ASTN2: variants seen among roughly 807,000 people sequenced by gnomAD.
ASTN2 encodes astrotactin-2.
In ASTN2, 54 loss-of-function variants were observed where a neutral mutation model predicts 139.8. That is an observed-to-expected ratio of 0.39 (90% CI 0.31 to 0.48). ASTN2 has a LOEUF of 0.48. Ranked by LOEUF, ASTN2 falls within the 20% of genes least tolerant of loss-of-function variation. The probability of loss-of-function intolerance (pLI) is 0.95; values close to 1 mark genes in which losing one functional copy is unlikely to be tolerated. For synonymous variants in ASTN2, 756 were observed against 719.5 expected (o/e 1.05, Z -0.81); for missense variants, 1,565 against 1,725.1 (o/e 0.91, Z 1.64).
At chr9:116,505,238 G>A (rs1025481380) in intron 19 of ASTN2, among the ~76,000 whole-genome samples, 4 of 151,332 alleles carry the variant, frequency 2.6e-5, no homozygotes, top group Admixed American at 6.6e-5. Context: ...TCCTTTAATC[G>A]CTTTGAGGCT....
intron 2 of ASTN2, among the ~76,000 whole-genome samples, chr9:117,246,618 CG>C (rs1833390623): frequency 6.6e-6 from 1 of 152,186 alleles, no homozygotes; most frequent in South Asian, 2.1e-4. Context: ...CAGTGGAACT[CG>C]GATTTCCCAT....
intron 19 of ASTN2, among the ~76,000 whole-genome samples, chr9:116,533,755 C>T (rs962978681): frequency 5.9e-5 from 9 of 152,178 alleles, no homozygotes; most frequent in Admixed American, 1.3e-4. Flanking sequence ...CTGCTGGATT[C>T]GGTTTGCCAG....
intron 2 of ASTN2, among the ~76,000 whole-genome samples, chr9:117,226,957 A>T (rs891748931): frequency 6.6e-6 from 1 of 152,230 alleles, no homozygotes; most frequent in Non-Finnish European, 1.5e-5. Context: ...TTCTGAGGTC[A>T]GAAGTAGGGA....
intron 16 of ASTN2, among the ~76,000 whole-genome samples, chr9:116,715,165 T>G (rs1054721526): frequency 2.0e-5 from 3 of 150,722 alleles, no homozygotes; most frequent in African/African-American, 4.9e-5. Context: ...TCCCCTGGTA[T>G]CTCCCAAAGT....
At chr9:116,956,956 G>A (rs757733125) in intron 10 of ASTN2, among the ~76,000 whole-genome samples, 35 of 151,904 alleles carry the variant, frequency 2.3e-4, no homozygotes, top group Non-Finnish European at 4.4e-4. Context: ...GACATCCTAT[G>A]TTCTTGGGTT....
At chr9:116,692,449 G>T (rs1448685494) in intron 16 of ASTN2, among the ~76,000 whole-genome samples, 1 of 152,152 alleles carries the variant, frequency 6.6e-6, no homozygotes, top group Non-Finnish European at 1.5e-5. Context: ...GCCTGGCTTG[G>T]TACTGTACTT....
chr9:116,448,063 G>A (rs1174508211), intron 20 of ASTN2, among the ~76,000 whole-genome samples: 3 of 152,198 alleles, frequency 2.0e-5, no homozygotes, highest in South Asian at 4.1e-4. Context: ...CTGGGTCCCC[G>A]AGAGTATAGG....
chr9:116,751,499 G>A (rs1400332098), intron 13 of ASTN2, among the ~76,000 whole-genome samples: 1 of 151,988 alleles, frequency 6.6e-6, no homozygotes, highest in Non-Finnish European at 1.5e-5. Flanking sequence ...ATGCAGCATG[G>A]CACCTGACAC....
chr9:116,795,062 C>T (rs373925774), intron 13 of ASTN2, among the ~76,000 whole-genome samples: 95 of 152,268 alleles, frequency 6.2e-4, no homozygotes, highest in African/African-American at 2.2e-3. Flanking sequence ...CTGCAATCTC[C>T]GCCTCCTGGG....
At position 117,208,488 on chromosome 9, in the gene ASTN2, CA is replaced by C. The variant is rs952475766; in HGVS notation, c.1015+5869del. Among the ~76,000 whole-genome samples the C allele has an allele frequency of 4.1e-4, 62 of 151,054 alleles. No individual in the cohort carries two copies. In the South Asian group the frequency reaches 8.2e-3, roughly 20 times the overall value. On this transcript the variant is annotated intron_variant, in intron 3 of 22. Coordinates refer to ENST00000313400, the MANE Select transcript of ASTN2 (RefSeq NM_001365068.1). ...AAAAGAAAAGAAAGAATAAATAATA[CA>C]AAAAAAAGAAAGCCTCAAGTAAGTG...
chr9:116,820,633 T>C lies in ASTN2; in HGVS notation c.2191A>G (p.Ile731Val). 2 of 1,614,004 alleles carry C rather than the reference T, an allele frequency of 1.2e-6. No individual in the cohort carries two copies. Among genetic ancestry groups the C allele is most frequent in the East Asian group, 2.2e-5 (1 of 44,868 alleles). The stretch of plus-strand genomic sequence containing the variant: ...GAGACTCACCCGCAGAACATGAAGA[T>C]GGTGCTCGAAGTGGCATCGTAGGGC... Reference protein sequence around the residue: ...PLPYDATSSTIFMFCGCVEEY... With the variant: ...PLPYDATSSTVFMFCGCVEEY... Residue 731 changes from isoleucine to valine, a missense_variant, in exon 12 of 23, where the codon ATC becomes GTC. This residue lies in a region of ASTN2 where 503 missense variants were observed against 591.7 expected (regional missense o/e 0.85). Coordinates refer to ENST00000313400, the MANE Select transcript of ASTN2 (RefSeq NM_001365068.1).
chr9:117,275,017 T>C (rs1237870824), intron 2 of ASTN2, among the ~76,000 whole-genome samples: 1 of 152,216 alleles, frequency 6.6e-6, no homozygotes, highest in African/African-American at 2.4e-5. Context: ...AGGCTTTTCA[T>C]CCAGAAAATG....
chr9:116,504,114 C>A (rs4836730), intron 19 of ASTN2, among the ~76,000 whole-genome samples: 1 of 152,112 alleles, frequency 6.6e-6, no homozygotes, highest in Non-Finnish European at 1.5e-5. Flanking sequence ...CTATAGGGTG[C>A]CTCTGTGCAA....
chr9:117,211,714 A>G (rs898587767), intron 3 of ASTN2, among the ~76,000 whole-genome samples: 32 of 152,300 alleles, frequency 2.1e-4, no homozygotes, highest in African/African-American at 7.7e-4. Context: ...AAGTTCTAGG[A>G]TGCAAAATCA....
At chr9:117,400,367 T>G (rs1830791859) in intron 1 of ASTN2, among the ~76,000 whole-genome samples, 3 of 152,152 alleles carry the variant, frequency 2.0e-5, no homozygotes, top group Admixed American at 2.0e-4. Context: ...GGACAGAACG[T>G]CTGTTCCCTC....
At chr9:117,168,359 T>C (rs974975737) in intron 3 of ASTN2, among the ~76,000 whole-genome samples, 1 of 152,182 alleles carries the variant, frequency 6.6e-6, no homozygotes, top group African/African-American at 2.4e-5. Context: ...CACAAGGACA[T>C]GGATCCTGTG....
At chr9:116,858,987 G>T (rs574394286) in intron 11 of ASTN2, among the ~76,000 whole-genome samples, 15 of 152,132 alleles carry the variant, frequency 9.9e-5, no homozygotes, top group African/African-American at 3.1e-4. Context: ...GTGTTGGCAG[G>T]GTTGCATTCC....
chr9:116,425,193 C>G lies in ASTN2; in HGVS notation c.*658G>C. 1 of 257,710 alleles carries G rather than the reference C, an allele frequency of 3.9e-6. No individual in the cohort carries two copies. The highest frequency in any genetic ancestry group is 7.3e-6 in the Non-Finnish European group (1 of 136,210). 16.0% of individuals were successfully genotyped at this position (257,710 alleles called of 1,614,324 possible). A position where few individuals can be genotyped will look rare whatever the true frequency, so the allele number is the denominator to read the frequency against. ...TGAATAAACAGAGGTCTCTCAAGCACATTCCCTTGGTAAGAAATACCACCC... is the reference window on the plus strand; with the variant it reads ...TGAATAAACAGAGGTCTCTCAAGCAGATTCCCTTGGTAAGAAATACCACCC... On this transcript the variant is annotated 3_prime_UTR_variant, in exon 23 of 23. Coordinates refer to ENST00000313400, the MANE Select transcript of ASTN2 (RefSeq NM_001365068.1).
chr9:117,414,394 G>C lies in ASTN2; in HGVS notation c.442+103C>G, dbSNP rs1564192055. On this transcript the variant is annotated intron_variant, in intron 1 of 22. Coordinates refer to ENST00000313400, the MANE Select transcript of ASTN2 (RefSeq NM_001365068.1). The surrounding 1 kb of genome is among the most constrained non-coding windows in gnomAD (Gnocchi z 4.2). Reference sequence around the variant, plus strand: ...CTCTACCCTCTGCCAACCCCACTCGGGGCAGCCCCGGGCAGGGATCCCCAG... The same window carrying C: ...CTCTACCCTCTGCCAACCCCACTCGCGGCAGCCCCGGGCAGGGATCCCCAG... The C allele has an allele frequency of 6.5e-7, 1 of 1,535,700 alleles. No individual in the cohort carries two copies. The highest frequency in any genetic ancestry group is 1.9e-5 in the Admixed American group (1 of 53,252).
Sources: gnomAD v4.1 joint callset for allele counts (sites outside exome capture counted in the v4.1 genomes callset) on GRCh38, gnomAD v4.1.1 for gene constraint, gnomAD v4.1.1 regional missense constraint, Gnocchi (gnomAD v3.1) non-coding constraint, MANE v1.5 for transcripts, NCBI Gene and HGNC (gene_info 2026-07-23, HGNC 2026-07-21) for gene names.